Variants in SETD3 observed in about 807,000 individuals in gnomAD.
SETD3 encodes actin-histidine N-methyltransferase.
SETD3 carries 19 observed loss-of-function variants against 63.0 expected under a neutral mutation model. The ratio of observed to expected loss-of-function variants is 0.30; its 90% CI spans 0.21 to 0.44. The LOEUF is 0.44. SETD3 is among the 20% of genes least tolerant of loss of function. The probability of loss-of-function intolerance (pLI) is 1.00; values close to 1 mark genes in which losing one functional copy is unlikely to be tolerated. For missense variants in SETD3, 587 were observed against 728.5 expected (o/e 0.81, Z 2.24); for synonymous variants, 286 against 264.1 (o/e 1.08, Z -0.80).
chr14:99,441,799 G>C (rs930549704), intron 6 of SETD3, among the ~76,000 whole-genome samples: 1 of 152,202 alleles, frequency 6.6e-6, no homozygotes, highest in East Asian at 1.9e-4. Context: ...TGTTCTAAGC[G>C]TAAGGAAAAG....
intron 8 of SETD3, among the ~76,000 whole-genome samples, chr14:99,406,900 G>A (rs756235434): frequency 1.1e-4 from 16 of 152,242 alleles, no homozygotes; most frequent in Non-Finnish European, 2.2e-4. Context: ...CCTGGTGGCA[G>A]TGAGGGCAGT....
At chr14:99,481,449 A>G (rs948659529), upstream of SETD3, 2 of 398,530 alleles carry the variant, frequency 5.0e-6, no homozygotes, top group Non-Finnish European at 8.8e-6. Flanking sequence ...GCAAGGAGAG[A>G]CGTCGCTGAG....
chr14:99,442,975 C>T (rs965842307), intron 6 of SETD3, among the ~76,000 whole-genome samples: 8 of 152,288 alleles, frequency 5.3e-5, no homozygotes, highest in African/African-American at 9.6e-5. Context: ...GCGGACGGGA[C>T]GCTGATGTTG....
intron 2 of SETD3, among the ~76,000 whole-genome samples, chr14:99,463,994 CTTTCT>C (rs1156998964): frequency 1.3e-5 from 2 of 152,314 alleles, no homozygotes; most frequent in Admixed American, 1.3e-4. Flanking sequence ...AAAAGTCAAC[CTTTCT>C]TTTTAGTTAA....
rs369903929 is a variant in SETD3 at position 99,398,676 on chromosome 14, G to C, written c.*3C>G. 1 of 1,610,890 alleles carries C rather than the reference G, an allele frequency of 6.2e-7. No individual in the cohort carries two copies. The highest frequency in any genetic ancestry group is 8.5e-7 in the Non-Finnish European group (1 of 1,177,660). On this transcript the variant is annotated 3_prime_UTR_variant, in exon 13 of 13. Coordinates refer to ENST00000331768, the MANE Select transcript of SETD3 (RefSeq NM_032233.3). The stretch of plus-strand genomic sequence containing the variant: ...TGGATCCCCCATCCAGCTTCACCTC[G>C]AGCTACTCCTTAACTCCAGCAGTGC...
intron 3 of SETD3, among the ~76,000 whole-genome samples, chr14:99,462,456 T>C (rs1261189840): frequency 6.6e-6 from 1 of 152,178 alleles, no homozygotes; most frequent in Non-Finnish European, 1.5e-5. Flanking sequence ...GCATGCTGGA[T>C]ATGCGAAGAT....
Position 99,412,933 on chromosome 14 carries a change from A to G in SETD3, c.849+18T>C, listed in dbSNP as rs975817292. On this transcript the variant is annotated intron_variant, in intron 8 of 12. Transcript: ENST00000331768. ...CAGCCTCCCAGATTCAACACAACAC[A>G]GGGGAAGAGGTCGTTACCAGGCCGT... The G allele has an allele frequency of 2.0e-6, 3 of 1,532,266 alleles. No individual in the cohort carries two copies. In the African/African-American group the frequency reaches 4.1e-5, roughly 21 times the overall value. The allele number at this position is 1,532,266 out of a possible 1,614,324, so 94.9% of individuals were successfully genotyped here. A position where few individuals can be genotyped will look rare whatever the true frequency, so the allele number is the denominator to read the frequency against.
At chr14:99,405,795 T>C (rs1891649064) in intron 9 of SETD3, among the ~76,000 whole-genome samples, 1 of 152,248 alleles carries the variant, frequency 6.6e-6, no homozygotes, top group Admixed American at 6.5e-5. Context: ...TCTGGAACTG[T>C]AAAGCAGTAT....
intron 3 of SETD3, among the ~76,000 whole-genome samples, chr14:99,462,466 T>C (rs1566729313): frequency 6.6e-6 from 1 of 152,210 alleles, no homozygotes; most frequent in African/African-American, 2.4e-5. Flanking sequence ...TATGCGAAGA[T>C]ACCTGCTAAA....
the SETD3 span, among the ~76,000 whole-genome samples, chr14:99,486,106 A>G: frequency 1.3e-5 from 2 of 152,184 alleles, no homozygotes; most frequent in African/African-American, 4.8e-5. Flanking sequence ...CTAATAAACA[A>G]CTAATCACCA....
rs185866995 is a variant in SETD3, at chr14:99,441,636, A to C, written c.675+16643T>G. Among the ~76,000 whole-genome samples, 453 of 152,312 alleles carry C rather than the reference A, an allele frequency of 3.0e-3. 3 individuals are homozygous for C. In the Middle Eastern group the frequency reaches 0.041, roughly 14 times the overall value. On this transcript the variant is annotated intron_variant, in intron 6 of 12. Coordinates refer to ENST00000331768, the MANE Select transcript of SETD3 (RefSeq NM_032233.3). ...CCAGGGAAGCCTGCAGCAGGCAGGA[A>C]GGGGGTCCACAGCAAAGTCCTGAGG... is the stretch of plus-strand genomic sequence containing the variant.
At chr14:99,438,002 C>G (rs1050021502) in intron 6 of SETD3, among the ~76,000 whole-genome samples, 3 of 152,176 alleles carry the variant, frequency 2.0e-5, no homozygotes, top group Admixed American at 2.0e-4. Context: ...AAAGACCACA[C>G]AAGAACAAGG....
At chr14:99,458,905 C>T (rs1017883910) in intron 5 of SETD3, among the ~76,000 whole-genome samples, 3 of 151,550 alleles carry the variant, frequency 2.0e-5, no homozygotes, top group Non-Finnish European at 4.4e-5. Context: ...GGTGACAAAG[C>T]GAGACCCTAT....
chr14:99,399,207 G>T (rs937708686), intron 12 of SETD3, 82 bp from the exon 13 acceptor site: 11 of 1,241,928 alleles, frequency 8.9e-6, no homozygotes, highest in Non-Finnish European at 1.0e-5. Flanking sequence ...GCTGGGGATG[G>T]GGACATGAGG....
chr14:99,469,914 T>C (rs971330978), intron 1 of SETD3, among the ~76,000 whole-genome samples: 9 of 152,348 alleles, frequency 5.9e-5, no homozygotes, highest in African/African-American at 1.9e-4. Flanking sequence ...TTTCAACTTC[T>C]ATTACCGATT....
At chr14:99,480,389 C>G (rs1037977125) in intron 1 of SETD3, among the ~76,000 whole-genome samples, 4 of 151,850 alleles carry the variant, frequency 2.6e-5, no homozygotes, top group African/African-American at 9.7e-5. Flanking sequence ...CTGCACCTGG[C>G]ACCACCTCGA....
At chr14:99,423,662 TTAAGA>T (rs1353929518) in intron 6 of SETD3, among the ~76,000 whole-genome samples, 2 of 140,762 alleles carry the variant, frequency 1.4e-5, no homozygotes. Context: ...TCCATTAGCA[TTAAGA>T]TATGTTAGAA....
chr14:99,403,363 A>C (rs1891484692), intron 11 of SETD3, among the ~76,000 whole-genome samples: 1 of 151,916 alleles, frequency 6.6e-6, no homozygotes, highest in Admixed American at 6.6e-5. Context: ...TCACTCAAAC[A>C]CTCATTTACT....
At chr14:99,403,455 A>ACTCTCTCTCTCTCTCTCTCT (rs55804663) in intron 11 of SETD3, among the ~76,000 whole-genome samples, 89 of 135,516 alleles carry the variant, frequency 6.6e-4, no homozygotes, top group African/African-American at 2.2e-3. Flanking sequence ...ACACACACAC[A>ACTCTCTCTCTCTCTCTCTCT]CTCTCTCTCT....
Sources: gnomAD v4.1 joint callset for allele counts (sites outside exome capture counted in the v4.1 genomes callset) on GRCh38, gnomAD v4.1.1 for gene constraint, MANE v1.5 for transcripts, NCBI Gene and HGNC (gene_info 2026-07-23, HGNC 2026-07-21) for gene names.